Variants in TANC1 observed in about 807,000 individuals in gnomAD.
TANC1 encodes tetratricopeptide repeat, ankyrin repeat and coiled-coil containing 1, also known as protein TANC1.
Under a neutral mutation model 149.7 loss-of-function variants are expected in TANC1, and 77 were observed. The ratio of observed to expected loss-of-function variants is 0.51; its 90% CI spans 0.43 to 0.62. The LOEUF is 0.62. Among genes scored for constraint, TANC1 ranks in the 20% least tolerant of loss-of-function variants. The pLI is 0.00. For missense variants in TANC1, 1,985 were observed against 2,321.8 expected, an observed-to-expected ratio of 0.85 and a Z score of 2.98; for synonymous variants, 854 against 925.0, an observed-to-expected ratio of 0.92 and a Z score of 1.39.
At chr2:159,212,837 G>A (rs111578648) in intron 19 of TANC1, among the ~76,000 whole-genome samples, 7,612 of 151,612 alleles carry the variant, frequency 0.05, 380 homozygotes, top group African/African-American at 0.13. Context: ...GGAAAATGGC[G>A]TGAACCCAAG....
At chr2:159,057,509 C>T (rs905305580) in intron 2 of TANC1, among the ~76,000 whole-genome samples, 1 of 152,230 alleles carries the variant, frequency 6.6e-6, no homozygotes, top group Non-Finnish European at 1.5e-5. Context: ...AACCCAATTT[C>T]TGCCACTTGC....
At chr2:159,076,986 T>G (rs1052673999) in intron 3 of TANC1, among the ~76,000 whole-genome samples, 5 of 142,626 alleles carry the variant, frequency 3.5e-5, no homozygotes, top group Admixed American at 2.8e-4. Flanking sequence ...GTTCATTTTG[T>G]TTTTTTTTTT....
intron 2 of TANC1, among the ~76,000 whole-genome samples, chr2:159,065,640 G>GTTT (rs34624412): frequency 6.1e-4 from 83 of 136,232 alleles, no homozygotes; most frequent in African/African-American, 2.1e-3. Context: ...ATGCACTATT[G>GTTT]TTTTTTTTTT....
intron 7 of TANC1, among the ~76,000 whole-genome samples, chr2:159,152,463 A>ATTTTTTT (rs55894080): frequency 1.5e-4 from 18 of 118,152 alleles, no homozygotes; most frequent in Non-Finnish European, 2.5e-4. Flanking sequence ...TTATAACCAA[A>ATTTTTTT]TTTTTTTTTT....
rs2150542022 is a variant in TANC1 at position 159,178,955 on chromosome 2, A to G, written c.2302A>G (p.Met768Val). ...CGTGGCCCTCGCATCCCTCCACCCCATGACAGACGAGCAGATCTTTCAGGC... is the reference window on the plus strand; with the variant it reads ...CGTGGCCCTCGCATCCCTCCACCCCGTGACAGACGAGCAGATCTTTCAGGC... The part of the protein sequence containing the change: ...LNVALASLHP[M>V]TDEQIFQAIN... Residue 768 changes from methionine (M) to valine (V), a missense_variant, in exon 14 of 27, where the codon ATG becomes GTG. Met to Val is a conservative substitution (Grantham distance 21). Around this residue, in one of 3 missense-constraint regions of TANC1, gnomAD observed 508 missense variants for 714.2 expected, o/e 0.71. Coordinates refer to ENST00000263635, the MANE Select transcript of TANC1 (RefSeq NM_033394.3). The G allele has an allele frequency of 1.2e-6, 2 of 1,614,094 alleles. No individual in the cohort carries two copies. The highest frequency in any genetic ancestry group is 1.7e-6 in the Non-Finnish European group (2 of 1,180,026).
intron 19 of TANC1, among the ~76,000 whole-genome samples, chr2:159,202,254 G>A (rs1048256955): frequency 5.9e-5 from 9 of 152,228 alleles, no homozygotes; most frequent in Non-Finnish European, 1.2e-4. Context: ...GTGACCCTGA[G>A]TCAATGAATG....
At chr2:159,096,027 G>T (rs544399285) in intron 3 of TANC1, among the ~76,000 whole-genome samples, 1 of 152,208 alleles carries the variant, frequency 6.6e-6, no homozygotes, top group Non-Finnish European at 1.5e-5. Flanking sequence ...GTTTGTTTTT[G>T]GAGCCAGGAA....
chr2:159,220,673 C>T (rs1450154562), intron 22 of TANC1, among the ~76,000 whole-genome samples: 2 of 152,006 alleles, frequency 1.3e-5, no homozygotes, highest in African/African-American at 4.8e-5. Context: ...TGACTGCAGC[C>T]TTGTTCTCCT....
At chr2:159,059,755 G>T (rs1166412938) in intron 2 of TANC1, among the ~76,000 whole-genome samples, 3 of 151,914 alleles carry the variant, frequency 2.0e-5, no homozygotes, top group Non-Finnish European at 4.4e-5. Flanking sequence ...AACTCATCAA[G>T]GGCTGGTTTT....
At chr2:159,007,460 T>C (rs940987050) in intron 2 of TANC1, among the ~76,000 whole-genome samples, 1 of 152,170 alleles carries the variant, frequency 6.6e-6, no homozygotes, top group Non-Finnish European at 1.5e-5. Context: ...GCTGTGTTTT[T>C]ACTGTCCCCT....
At position 159,001,613 on chromosome 2, in the gene TANC1, T is replaced by A. The variant is rs76398336; in HGVS notation, c.-16+424T>A. Among the ~76,000 whole-genome samples, 8,056 of 152,302 alleles carry A rather than the reference T, an allele frequency of 0.053. 671 individuals are homozygous for A. The highest frequency in any genetic ancestry group is 0.18 in the African/African-American group (7,476 of 41,540). On this transcript the variant is annotated intron_variant, in intron 2 of 26. Coordinates refer to ENST00000263635, the MANE Select transcript of TANC1 (RefSeq NM_033394.3). The surrounding 1 kb of genome is among the most constrained non-coding windows in gnomAD (Gnocchi z 4.3). The stretch of plus-strand genomic sequence containing the variant: ...AACCCTTTCCTGGTTCATTGTCACT[T>A]ATTAAATATTTGAATGTGTGCTGGG...
At chr2:159,041,378 C>T (rs556612837) in intron 2 of TANC1, among the ~76,000 whole-genome samples, 19 of 152,344 alleles carry the variant, frequency 1.2e-4, no homozygotes, top group African/African-American at 3.8e-4. Flanking sequence ...CAGCTGTGCC[C>T]TTCCCCCAGA....
intron 2 of TANC1, chr2:159,004,024 T>C: frequency 6.2e-7 from 1 of 1,612,322 alleles, no homozygotes; most frequent in Admixed American, 1.7e-5. Context: ...GTGAACATGA[T>C]TAAAGATGAT....
chr2:159,227,911 T>C lies in TANC1; in HGVS notation c.3996T>C (p.Asn1332=). ...EGFGEDMRPF[N]ELRVSLYLNL... Reference sequence around the variant, plus strand: ...TCGGAGAGGACATGAGACCCTTCAATGAATTAAGGGTTTCCCTCTATCTCA... The same window carrying C: ...TCGGAGAGGACATGAGACCCTTCAACGAATTAAGGGTTTCCCTCTATCTCA... Residue 1332 remains asparagine, a synonymous_variant, in exon 25 of 27, where the codon AAT becomes AAC. Transcript: ENST00000263635. 6.2e-7 allele frequency: 1 copy of C among 1,614,134 alleles called. No homozygotes were observed. Among genetic ancestry groups the C allele is most frequent in the Non-Finnish European group, 8.5e-7 (1 of 1,180,028 alleles).
At chr2:159,179,733 G>T (rs566716371) in intron 14 of TANC1, among the ~76,000 whole-genome samples, 2 of 152,188 alleles carry the variant, frequency 1.3e-5, no homozygotes, top group Non-Finnish European at 2.9e-5. Context: ...CTGTGTGGTG[G>T]ACTGGACCAG....
At chr2:159,072,819 C>T (rs1452125527) in intron 3 of TANC1, among the ~76,000 whole-genome samples, 1 of 151,826 alleles carries the variant, frequency 6.6e-6, no homozygotes, top group Non-Finnish European at 1.5e-5. Context: ...GAAGACAGGA[C>T]TGATCTCAGA....
chr2:159,231,602 G>C lies in TANC1; in HGVS notation c.*590G>C, dbSNP rs2060334066. The C allele has an allele frequency of 1.3e-5, 2 of 152,242 alleles. No individual in the cohort carries two copies. The highest frequency in any genetic ancestry group is 4.1e-4 in the South Asian group (2 of 4,826). 9.4% of individuals were successfully genotyped at this position (152,242 alleles called of 1,614,324 possible). ...TTCTCTTCATAGCAGTTCCTATAAAGGGATTAAACACTTATTTCTGTGTTA... is the reference window on the plus strand; with the variant it reads ...TTCTCTTCATAGCAGTTCCTATAAACGGATTAAACACTTATTTCTGTGTTA... On this transcript the variant is annotated 3_prime_UTR_variant, in exon 27 of 27. Transcript: ENST00000263635.
rs750826246 is a variant in TANC1 at position 159,194,208 on chromosome 2, T to A, written c.2743-49T>A. 10 of 1,487,174 alleles carry A rather than the reference T, an allele frequency of 6.7e-6. No homozygotes were observed. The South Asian group carries it at 1.0e-4, about 15-fold the overall frequency. The allele number at this position is 1,487,174 out of a possible 1,614,324, so 92.1% of individuals were successfully genotyped here. ...AGGATACTGCCCATTTCCAGAAATG[T>A]TTAGATGACATACATGTGACAATCT... is the stretch of plus-strand genomic sequence containing the variant. On this transcript the variant is annotated intron_variant, in intron 16 of 26. Coordinates refer to ENST00000263635, the MANE Select transcript of TANC1 (RefSeq NM_033394.3).
At position 159,035,188 on chromosome 2, in the gene TANC1, G is replaced by C. The variant is rs1280495332; in HGVS notation, c.-15-30708G>C. Among the ~76,000 whole-genome samples the C allele has an allele frequency of 2.6e-5, 4 of 152,164 alleles. No homozygotes were observed. The East Asian group carries it at 7.7e-4, about 29-fold the overall frequency. ...GAAAGTGATGACCACGAGGTAAACTGTAATAATTCTCTATGAAGTTTTTTT... is the reference window on the plus strand; with the variant it reads ...GAAAGTGATGACCACGAGGTAAACTCTAATAATTCTCTATGAAGTTTTTTT... On this transcript the variant is annotated intron_variant, in intron 2 of 26. Transcript: ENST00000263635.
Sources: gnomAD v4.1 joint callset for allele counts (sites outside exome capture counted in the v4.1 genomes callset) on GRCh38, gnomAD v4.1.1 for gene constraint, gnomAD v4.1.1 regional missense constraint, Gnocchi (gnomAD v3.1) non-coding constraint, MANE v1.5 for transcripts, NCBI Gene and HGNC (gene_info 2026-07-23, HGNC 2026-07-21) for gene names.